Variants in FBXL13 observed in about 807,000 individuals in gnomAD.
FBXL13 encodes the protein F-box and leucine rich repeat protein 13.
Under a neutral mutation model 83.6 loss-of-function variants are expected in FBXL13, and 67 were observed. The observed-to-expected ratio is 0.80, with a 90% CI of 0.66 to 0.98. The LOEUF (loss-of-function observed/expected upper bound fraction) is 0.98. Ranked by LOEUF, FBXL13 falls within the 50% of genes least tolerant of loss-of-function variation. FBXL13 has a pLI of 0.00. For synonymous variants in FBXL13, 272 were observed against 299.5 expected, an observed-to-expected ratio of 0.91 and a Z score of 0.95; for missense variants, 822 against 866.5, an observed-to-expected ratio of 0.95 and a Z score of 0.64.
chr7:102,904,956 C>T (rs568438073), intron 11 of FBXL13, among the ~76,000 whole-genome samples: 2 of 152,180 alleles, frequency 1.3e-5, no homozygotes, highest in African/African-American at 4.8e-5. Flanking sequence ...TAGTTTTATT[C>T]CATTGTAGTC....
chr7:102,831,533 G>A, intron 18 of FBXL13, among the ~76,000 whole-genome samples: 1 of 152,136 alleles, frequency 6.6e-6, no homozygotes, highest in Non-Finnish European at 1.5e-5. Flanking sequence ...GGGGTGGGGA[G>A]AGACAGTTGC....
Position 102,958,403 on chromosome 7 carries a change from G to A in FBXL13, c.724+5130C>T, listed in dbSNP as rs567709017. ...GTCTGTTGGGGGTGGTGGACTGGGG[G>A]AGGGATAGCATTAGGAGAAATACCT... On this transcript the variant is annotated intron_variant, in intron 8 of 19. Coordinates refer to ENST00000313221, the Ensembl canonical transcript of FBXL13. 4.5e-4 allele frequency among the ~76,000 whole-genome samples: 68 copies of A among 151,838 alleles called. 1 individual carries two copies. The South Asian group carries it at 0.011, about 25-fold the overall frequency.
intron 6 of FBXL13, among the ~76,000 whole-genome samples, chr7:102,981,161 G>A (rs960350224): frequency 1.3e-5 from 2 of 152,010 alleles, no homozygotes; most frequent in Non-Finnish European, 2.9e-5. Context: ...TGTTCAGAGA[G>A]GTAAAAGCAA....
intron 17 of FBXL13, among the ~76,000 whole-genome samples, chr7:102,854,051 G>A (rs914844300): frequency 9.9e-5 from 15 of 152,050 alleles, no homozygotes; most frequent in African/African-American, 2.7e-4. Flanking sequence ...AAATCATGCC[G>A]CTATAAAGAC....
intron 8 of FBXL13, among the ~76,000 whole-genome samples, chr7:102,962,195 C>T (rs1585148112): frequency 6.6e-6 from 1 of 151,414 alleles, no homozygotes; most frequent in African/African-American, 2.4e-5. Context: ...AGACACTTCT[C>T]AAAAGAAGAC....
At position 102,921,958 on chromosome 7, in the gene FBXL13, A is replaced by G. The variant is rs145253018; in HGVS notation, c.878+4316T>C. On this transcript the variant is annotated intron_variant, in intron 10 of 19. Transcript: ENST00000313221. The stretch of plus-strand genomic sequence containing the variant: ...GTAATCCCAGCACTTTGGGAGGCCA[A>G]GGTGGGTGGATCACTTGAGGTCAAG... 3.7e-3 allele frequency among the ~76,000 whole-genome samples: 566 copies of G among 152,264 alleles called. 5 individuals carry two copies. The highest frequency in any genetic ancestry group is 0.013 in the African/African-American group (559 of 41,552).
intron 6 of FBXL13, among the ~76,000 whole-genome samples, chr7:103,005,559 G>T (rs938967943): frequency 6.6e-6 from 1 of 152,120 alleles, no homozygotes; most frequent in Non-Finnish European, 1.5e-5. Context: ...CCAAAATAAA[G>T]AAACTGGTCA....
intron 11 of FBXL13, among the ~76,000 whole-genome samples, chr7:102,907,770 G>A (rs755381842): frequency 7.9e-5 from 12 of 152,142 alleles, no homozygotes; most frequent in Non-Finnish European, 1.2e-4. Context: ...GAAGGGTGCC[G>A]CAATAAACAA....
chr7:102,903,939 C>CTTTTCTTTTTTTT (rs1321420603), intron 11 of FBXL13, among the ~76,000 whole-genome samples: 21 of 43,440 alleles, frequency 4.8e-4, no homozygotes, highest in South Asian at 1.1e-3. Context: ...CTTTTCTTTT[C>CTTTTCTTTTTTTT]TTTTTTTTTT....
intron 17 of FBXL13, among the ~76,000 whole-genome samples, chr7:102,851,281 T>A (rs1805173334): frequency 6.6e-6 from 1 of 152,150 alleles, no homozygotes; most frequent in East Asian, 1.9e-4. Context: ...ATTTTAACAG[T>A]CTCCTGTTAG....
intron 7 of FBXL13, among the ~76,000 whole-genome samples, chr7:102,965,746 T>C (rs1317089334): frequency 6.6e-6 from 1 of 152,210 alleles, no homozygotes; most frequent in East Asian, 1.9e-4. Context: ...CAAATAAGCA[T>C]ACGTCCCCCA....
chr7:103,027,453 T>G, exon 5 of FBXL13: 1 of 1,605,874 alleles, frequency 6.2e-7, no homozygotes, highest in Non-Finnish European at 8.5e-7. Context: ...CAATACCAGC[T>G]CATCTTCTTT....
chr7:102,868,865 G>A (rs1038747971), intron 16 of FBXL13, among the ~76,000 whole-genome samples: 11 of 152,134 alleles, frequency 7.2e-5, no homozygotes, highest in South Asian at 4.2e-4. Context: ...ACGAGGTTTC[G>A]CCATGTTGGC....
intron 1 of FBXL13, among the ~76,000 whole-genome samples, chr7:103,058,200 T>C (rs940737906): frequency 1.3e-5 from 2 of 152,162 alleles, no homozygotes; most frequent in African/African-American, 4.8e-5. Flanking sequence ...AGCAGGAAGC[T>C]CAGTCCTTTA....
chr7:102,982,587 C>T lies in FBXL13; in HGVS notation c.496-14470G>A, dbSNP rs114867220. Among the ~76,000 whole-genome samples, 336 of 152,260 alleles carry T rather than the reference C, an allele frequency of 2.2e-3. 1 individual carries two copies. Among genetic ancestry groups the T allele is most frequent in the African/African-American group, 7.1e-3 (297 of 41,542 alleles). On this transcript the variant is annotated intron_variant, in intron 6 of 19. Coordinates refer to ENST00000313221, the Ensembl canonical transcript of FBXL13. ...AGTGTAACTGTGTTCACTGTAAAAA[C>T]CAGTGAATTCCAGGAGCATGGACCC...
At chr7:102,892,469 A>G (rs1176260862) in intron 11 of FBXL13, among the ~76,000 whole-genome samples, 1 of 152,202 alleles carries the variant, frequency 6.6e-6, no homozygotes, top group African/African-American at 2.4e-5. Context: ...CATAAATTCT[A>G]CAATTTTTTT....
In FBXL13 at chr7:102,883,504, A is replaced by G. The variant is rs760642511; in HGVS notation, c.1226-37T>C. ...AAACAGAAGAAAAGACAAGTATTGT[A>G]TTTAGAATGCCACAAGAGTAAAAGT... On this transcript the variant is annotated intron_variant, in intron 13 of 19. Transcript: ENST00000313221. 1.9e-6 allele frequency: 3 copies of G among 1,595,650 alleles called. No homozygotes were observed. In the African/African-American group the frequency reaches 4.0e-5, roughly 22 times the overall value.
intron 11 of FBXL13, among the ~76,000 whole-genome samples, chr7:102,890,531 A>C (rs1057494589): frequency 1.3e-5 from 2 of 152,206 alleles, no homozygotes; most frequent in Admixed American, 1.3e-4. Flanking sequence ...AATTCTCTCC[A>C]GCTGCCTCTG....
chr7:102,839,432 T>A (rs981422344), intron 17 of FBXL13, among the ~76,000 whole-genome samples: 1 of 152,198 alleles, frequency 6.6e-6, no homozygotes, highest in African/African-American at 2.4e-5. Flanking sequence ...TGTCTCTGTG[T>A]CTTATTTCTT....
Sources: gnomAD v4.1 joint callset for allele counts (sites outside exome capture counted in the v4.1 genomes callset) on GRCh38, gnomAD v4.1.1 for gene constraint, MANE v1.5 for transcripts, NCBI Gene and HGNC (gene_info 2026-07-23, HGNC 2026-07-21) for gene names.